ZFYVE9: variants seen among roughly 807,000 people sequenced by gnomAD.
ZFYVE9 encodes zinc finger FYVE-type containing 9.
In ZFYVE9, 43 loss-of-function variants were observed where a neutral mutation model predicts 126.7. That is an observed-to-expected ratio of 0.34 (90% CI 0.27 to 0.44). The LOEUF (loss-of-function observed/expected upper bound fraction) is 0.44. Ranked by LOEUF, ZFYVE9 falls within the 20% of genes least tolerant of loss-of-function variation. The pLI is 1.00. For missense variants in ZFYVE9, 1,476 were observed against 1,697.0 expected (o/e 0.87, Z 2.29); for synonymous variants, 521 against 597.4 (o/e 0.87, Z 1.87).
chr1:52,337,667 G>A, intron 15 of ZFYVE9, 105 bp from the exon 16 acceptor site: 1 of 1,333,628 alleles, frequency 7.5e-7, no homozygotes, highest in Non-Finnish European at 1.0e-6. Flanking sequence ...GTATCAGTCA[G>A]CTTTGGAAAG....
chr1:52,302,136 A>G (rs1278865949), intron 12 of ZFYVE9, among the ~76,000 whole-genome samples: 1 of 152,122 alleles, frequency 6.6e-6, no homozygotes, highest in Admixed American at 6.5e-5. Flanking sequence ...CTCCGTTTCC[A>G]TGGATTGATT....
At chr1:52,334,135 C>T (rs1021380589) in intron 14 of ZFYVE9, among the ~76,000 whole-genome samples, 1 of 151,688 alleles carries the variant, frequency 6.6e-6, no homozygotes, top group Non-Finnish European at 1.5e-5. Context: ...AGTTGGCAAC[C>T]ATATTTCTAT....
intron 1 of ZFYVE9, among the ~76,000 whole-genome samples, chr1:52,207,272 G>C (rs1644987013): frequency 6.6e-6 from 1 of 152,210 alleles, no homozygotes; most frequent in African/African-American, 2.4e-5. Context: ...CCCAATCGCA[G>C]ATCAGTTGCT....
At chr1:52,258,467 G>T (rs74810656) in intron 4 of ZFYVE9, among the ~76,000 whole-genome samples, 5,261 of 141,904 alleles carry the variant, frequency 0.037, 335 homozygotes, top group African/African-American at 0.13. Flanking sequence ...TAAACATCTT[G>T]CTATGCCCAG....
chr1:52,160,689 C>T, intron 1 of ZFYVE9: 1 of 509,632 alleles, frequency 2.0e-6, no homozygotes, highest in East Asian at 3.1e-5. Context: ...GCTGGGATTA[C>T]AGGCGTGAGC....
intron 1 of ZFYVE9, among the ~76,000 whole-genome samples, chr1:52,161,785 CTG>C (rs1644462388): frequency 6.6e-6 from 1 of 152,080 alleles, no homozygotes; most frequent in Admixed American, 6.6e-5. Context: ...CATGACATGA[CTG>C]AACTAATTTA....
intron 13 of ZFYVE9, among the ~76,000 whole-genome samples, chr1:52,327,305 AAAG>A (rs1646300260): frequency 6.6e-6 from 1 of 152,124 alleles, no homozygotes; most frequent in South Asian, 2.1e-4. Flanking sequence ...ACTGGGGGTT[AAAG>A]AAGTCTTCAT....
In ZFYVE9 at chr1:52,303,935, A is replaced by G. The variant is rs907503460; in HGVS notation, c.3438+10A>G. 5 of 1,568,284 alleles carry G rather than the reference A, an allele frequency of 3.2e-6. No homozygotes were observed. The Admixed American group carries it at 9.1e-5, about 29-fold the overall frequency. ...CAACAGATACAATGAGGTAAGATTT[A>G]CCATGAAGGCGTATTTTTCATAGTT... On this transcript the variant is annotated intron_variant, in intron 13 of 18. Transcript: ENST00000287727.
intron 13 of ZFYVE9, among the ~76,000 whole-genome samples, chr1:52,329,619 A>G (rs1010926541): frequency 6.6e-6 from 1 of 152,210 alleles, no homozygotes; most frequent in Non-Finnish European, 1.5e-5. Context: ...GAATTCTTAC[A>G]TATCGGCCGG....
intron 13 of ZFYVE9, among the ~76,000 whole-genome samples, chr1:52,330,877 T>C (rs1646335003): frequency 6.6e-6 from 1 of 152,164 alleles, no homozygotes; most frequent in Non-Finnish European, 1.5e-5. Context: ...TTATTTTATT[T>C]TTATTTTTTG....
intron 1 of ZFYVE9, among the ~76,000 whole-genome samples, chr1:52,151,584 C>T (rs1293303123): frequency 3.4e-5 from 5 of 148,564 alleles, no homozygotes; most frequent in South Asian, 4.3e-4. Context: ...GGTGTGGTCT[C>T]GGCTCACTGC....
chr1:52,239,999 T>C (rs376197612), intron 4 of ZFYVE9, among the ~76,000 whole-genome samples: 1 of 152,210 alleles, frequency 6.6e-6, no homozygotes, highest in Non-Finnish European at 1.5e-5. Context: ...AAAATAAAAA[T>C]TACATTTAAT....
intron 1 of ZFYVE9, among the ~76,000 whole-genome samples, chr1:52,169,123 G>T (rs1206247571): frequency 2.6e-5 from 4 of 152,090 alleles, no homozygotes. Context: ...CCCCCTAGTC[G>T]AGTGCAGTGG....
In ZFYVE9 at chr1:52,180,103, A is replaced by C. The variant is rs938272155; in HGVS notation, c.-142-36266A>C. 45 of 941,018 alleles carry C rather than the reference A, an allele frequency of 4.8e-5. No individual in the cohort carries two copies. The Admixed American group carries it at 5.2e-4, about 11-fold the overall frequency. The allele number at this position is 941,018 out of a possible 1,614,324, so 58.3% of individuals were successfully genotyped here. On this transcript the variant is annotated intron_variant, in intron 1 of 18. Transcript: ENST00000287727. The stretch of plus-strand genomic sequence containing the variant: ...TGGAAAGCAACTAAATTGAAGAATA[A>C]ATTTGAAGAAGTTTTGGAGATCTCA...
intron 10 of ZFYVE9, among the ~76,000 whole-genome samples, chr1:52,289,696 A>G (rs990809836): frequency 6.6e-6 from 1 of 152,214 alleles, no homozygotes; most frequent in African/African-American, 2.4e-5. Context: ...ATTTTTGCCA[A>G]TATCTACACC....
At chr1:52,282,037 A>C (rs950267049) in intron 10 of ZFYVE9, among the ~76,000 whole-genome samples, 22 of 152,174 alleles carry the variant, frequency 1.4e-4, no homozygotes, top group Admixed American at 1.4e-3. Flanking sequence ...GCTGTAAGAG[A>C]ATCTGGTGAC....
intron 4 of ZFYVE9, among the ~76,000 whole-genome samples, chr1:52,247,962 G>A (rs933262832): frequency 5.9e-5 from 9 of 152,108 alleles, no homozygotes; most frequent in South Asian, 2.1e-4. Context: ...CATCCATGTC[G>A]TAGCATGTAT....
intron 13 of ZFYVE9, among the ~76,000 whole-genome samples, chr1:52,316,191 G>C (rs371952077): frequency 7.3e-4 from 54 of 73,558 alleles, no homozygotes; most frequent in African/African-American, 1.9e-3. Context: ...AAAAAAAAAA[G>C]AAAAGAAACC....
chr1:52,239,232 A>G lies in ZFYVE9; in HGVS notation c.1815A>G (p.Ala605=). 1.9e-6 allele frequency: 3 copies of G among 1,614,146 alleles called. No homozygotes were observed. The highest frequency in any genetic ancestry group is 1.1e-5 in the South Asian group (1 of 91,080). Residue 605 remains alanine, a synonymous_variant, in exon 4 of 19, where the codon GCA becomes GCG. Coordinates refer to ENST00000287727, the MANE Select transcript of ZFYVE9 (RefSeq NM_004799.4). ...LSDHLQNDFP[A]NSGNNTKNKN... ...ACCATTTACAAAATGACTTTCCTGC[A>G]AACAGTGGAAATAATACTAAAAATA...
Sources: allele counts gnomAD v4.1 joint callset (sites outside exome capture counted in the v4.1 genomes callset), GRCh38; gene constraint gnomAD v4.1.1; transcripts MANE v1.5; gene names NCBI Gene and HGNC (gene_info 2026-07-23, HGNC 2026-07-21).